CSNK2A1: variants seen among roughly 807,000 people sequenced by gnomAD.
CSNK2A1 encodes the protein casein kinase 2 alpha 1.
Under a neutral mutation model 62.9 loss-of-function variants are expected in CSNK2A1, and 10 were observed. That is an observed-to-expected ratio of 0.16 (90% CI 0.10 to 0.27). CSNK2A1 has a LOEUF of 0.27. CSNK2A1 is among the 10% of genes least tolerant of loss of function. CSNK2A1 has a pLI of 1.00. For missense variants in CSNK2A1, 160 were observed against 492.0 expected, an observed-to-expected ratio of 0.33 and a Z score of 6.38; for synonymous variants, 124 against 167.8, an observed-to-expected ratio of 0.74 and a Z score of 2.02.
At position 482,708 on chromosome 20, in the gene CSNK2A1, C is replaced by T. The variant is rs895066595; in HGVS notation, c.*1253G>A. ...TAAATCTAACCTTGATAAATAAAAC[C>T]AAACGTTTATTTACACCAAAGAATT... On this transcript the variant is annotated 3_prime_UTR_variant, in exon 14 of 14. Transcript: ENST00000217244. 1 of 152,616 alleles carries T rather than the reference C, an allele frequency of 6.6e-6. No homozygotes were observed. The highest frequency in any genetic ancestry group is 2.4e-5 in the African/African-American group (1 of 41,440). The allele number at this position is 152,616 out of a possible 1,614,324, so 9.5% of individuals were successfully genotyped here.
Position 475,145 on chromosome 20 carries a change from T to A in CSNK2A1, c.*8816A>T, listed in dbSNP as rs1330178342. The A allele has an allele frequency of 6.6e-6, 1 of 152,178 alleles. No homozygotes were observed. The highest frequency in any genetic ancestry group is 1.5e-5 in the Non-Finnish European group (1 of 68,050). 9.4% of individuals were successfully genotyped at this position (152,178 alleles called of 1,614,324 possible). The stretch of plus-strand genomic sequence containing the variant: ...GTCTCAAAGACTGATTCTCAATTTT[T>A]GTTGCTTGAAAACAAGTAAACAAGT... On this transcript the variant is annotated 3_prime_UTR_variant, in exon 14 of 14. Transcript: ENST00000217244.
In CSNK2A1 at chr20:482,853, A is replaced by G. The variant is rs1001277531; in HGVS notation, c.*1108T>C. 2 of 152,658 alleles carry G rather than the reference A, an allele frequency of 1.3e-5. No individual in the cohort carries two copies. Among genetic ancestry groups the G allele is most frequent in the Non-Finnish European group, 1.5e-5 (1 of 68,050 alleles). The allele number at this position is 152,658 out of a possible 1,614,324, so 9.5% of individuals were successfully genotyped here. ...CCCACAATTACAGGTCTACCATTTC[A>G]GCTTCAATGGAGATAGTGGCTCTGC... On this transcript the variant is annotated 3_prime_UTR_variant, in exon 14 of 14. Transcript: ENST00000217244.
rs1037705137 is a variant in CSNK2A1, at chr20:477,645, A to C, written c.*6316T>G. ...CCTGGGGGCATTCAAACCCTAGTCCATAGCCTGAGGCCCACCTATACCCAG... is the reference window on the plus strand; with the variant it reads ...CCTGGGGGCATTCAAACCCTAGTCCCTAGCCTGAGGCCCACCTATACCCAG... On this transcript the variant is annotated 3_prime_UTR_variant, in exon 14 of 14. Coordinates refer to ENST00000217244, the MANE Select transcript of CSNK2A1 (RefSeq NM_177559.3). 3.3e-5 allele frequency: 5 copies of C among 152,288 alleles called. No homozygotes were observed. Among genetic ancestry groups the C allele is most frequent in the African/African-American group, 1.2e-4 (5 of 41,438 alleles). 9.4% of individuals were successfully genotyped at this position (152,288 alleles called of 1,614,324 possible). A position where few individuals can be genotyped will look rare whatever the true frequency, so the allele number is the denominator to read the frequency against.
In CSNK2A1 at chr20:485,242, G is replaced by A. The variant is rs185604463; in HGVS notation, c.1060+1134C>T. On this transcript the variant is annotated intron_variant, in intron 13 of 13. Transcript: ENST00000217244. ...ACTCTCACCCAGGCTGGAGGGCAAC[G>A]GTGCGATCTCGGCTCACTGCAACCT... Among the ~76,000 whole-genome samples the A allele has an allele frequency of 1.7e-4, 26 of 149,624 alleles. 1 individual carries two copies. The East Asian group carries it at 2.8e-3, about 16-fold the overall frequency.
intron 10 of CSNK2A1, chr20:489,462 T>C: frequency 2.7e-6 from 1 of 377,270 alleles, no homozygotes. Context: ...ATCACAGAAA[T>C]ACCACATATG....
At chr20:497,981 C>T in intron 6 of CSNK2A1, 1 of 512,130 alleles carries the variant, frequency 2.0e-6, no homozygotes, top group East Asian at 3.4e-5. Flanking sequence ...TGAAGAATTA[C>T]TTAAACATAT....
intron 1 of CSNK2A1, among the ~76,000 whole-genome samples, chr20:534,714 C>G (rs1449031606): frequency 6.6e-6 from 1 of 152,014 alleles, no homozygotes; most frequent in African/African-American, 2.4e-5. Flanking sequence ...TGCTCAGGTC[C>G]TTAGCTGTGG....
At chr20:537,149 C>G (rs1340799031) in intron 1 of CSNK2A1, among the ~76,000 whole-genome samples, 1 of 151,978 alleles carries the variant, frequency 6.6e-6, no homozygotes, top group Non-Finnish European at 1.5e-5. Context: ...GAAAAACCCA[C>G]AAGACAAGAA....
intron 2 of CSNK2A1, among the ~76,000 whole-genome samples, chr20:523,209 C>T (rs901346017): frequency 2.6e-5 from 4 of 152,172 alleles, no homozygotes; most frequent in African/African-American, 9.7e-5. Flanking sequence ...CAAAATAGTA[C>T]TGTATAGCCA....
In CSNK2A1 at chr20:540,757, G is replaced by A. The variant is rs1416690156; in HGVS notation, c.-227+2915C>T. On this transcript the variant is annotated intron_variant, in intron 1 of 13. Transcript: ENST00000217244. ...ACTCCTGGTACCAAAATCTATACTA[G>A]TGTTCTACTGCTGCCATAACAAATT... The A allele has an allele frequency of 2.6e-5, 4 of 152,160 alleles. No homozygotes were observed. The South Asian group carries it at 6.2e-4, about 24-fold the overall frequency. The allele number at this position is 152,160 out of a possible 1,614,324, so 9.4% of individuals were successfully genotyped here. A position where few individuals can be genotyped will look rare whatever the true frequency, so the allele number is the denominator to read the frequency against.
At chr20:528,560 C>CA (rs1306571911) in intron 1 of CSNK2A1, among the ~76,000 whole-genome samples, 2 of 152,130 alleles carry the variant, frequency 1.3e-5, no homozygotes, top group African/African-American at 4.8e-5. Context: ...GGACCATAGG[C>CA]ATACACTACT....
At chr20:522,952 C>G (rs868236637) in intron 2 of CSNK2A1, among the ~76,000 whole-genome samples, 30 of 152,174 alleles carry the variant, frequency 2.0e-4, no homozygotes, top group Non-Finnish European at 4.4e-5. Context: ...ACTGGGATAA[C>G]AGGTGTGAGC....
chr20:513,590 C>G (rs1389445120), intron 2 of CSNK2A1, among the ~76,000 whole-genome samples: 1 of 152,168 alleles, frequency 6.6e-6, no homozygotes, highest in Non-Finnish European at 1.5e-5. Context: ...GTCCTCATTT[C>G]TCCCTGGAAA....
chr20:510,885 TAAATA>T (rs1465214896), intron 2 of CSNK2A1, among the ~76,000 whole-genome samples: 1 of 151,708 alleles, frequency 6.6e-6, no homozygotes, highest in African/African-American at 2.4e-5. Flanking sequence ...GCTGGCTAAT[TAAATA>T]AATTTTTTTT....
intron 4 of CSNK2A1, chr20:503,494 G>A (rs2018511529): frequency 2.5e-6 from 1 of 398,474 alleles, no homozygotes; most frequent in African/African-American, 2.1e-5. Flanking sequence ...GGAATACTGT[G>A]GAACACTTTA....
intron 4 of CSNK2A1, 98 bp downstream of exon 4, chr20:505,020 G>T: frequency 4.1e-6 from 4 of 973,778 alleles, no homozygotes; most frequent in Non-Finnish European, 6.0e-6. Flanking sequence ...ATTTGCTTTG[G>T]CACCAAAAAC....
chr20:478,764 CCA>C lies in CSNK2A1; in HGVS notation c.*5195_*5196del. ...GCAACACGGCAAAACTTCATCTCTA[CCA>C]AAAAAAAAAAAAAAAAAATTAGCCA... On this transcript the variant is annotated 3_prime_UTR_variant, in exon 14 of 14. Transcript: ENST00000217244. The C allele has an allele frequency of 2.0e-5, 4 of 204,642 alleles. No homozygotes were observed. The highest frequency in any genetic ancestry group is 2.8e-5 in the Non-Finnish European group (3 of 106,234). 12.7% of individuals were successfully genotyped at this position (204,642 alleles called of 1,614,324 possible).
chr20:489,078 T>C (rs2018161218), intron 10 of CSNK2A1: 1 of 285,004 alleles, frequency 3.5e-6, no homozygotes, highest in Non-Finnish European at 6.6e-6. Flanking sequence ...TACTCACCAC[T>C]ACTGCCTTTT....
chr20:499,783 C>G lies in CSNK2A1; in HGVS notation c.315+50G>C, dbSNP rs1419619369. On this transcript the variant is annotated intron_variant, in intron 5 of 13. Transcript: ENST00000217244. The surrounding 1 kb of genome is among the most constrained non-coding windows in gnomAD (Gnocchi z 4.2). ...AAAAGAGGCCAGTTGTGCTCCAGGT[C>G]AAACACCATCTCAGCTCTGGCGGGC... The G allele has an allele frequency of 4.4e-6, 7 of 1,577,266 alleles. No homozygotes were observed. The highest frequency in any genetic ancestry group is 1.3e-5 in the African/African-American group (1 of 74,156).
Sources: allele counts gnomAD v4.1 joint callset (sites outside exome capture counted in the v4.1 genomes callset), GRCh38; gene constraint gnomAD v4.1.1; non-coding constraint Gnocchi (gnomAD v3.1); transcripts MANE v1.5; gene names NCBI Gene and HGNC (gene_info 2026-07-23, HGNC 2026-07-21).